KCNQ5: variants seen among roughly 807,000 people sequenced by gnomAD.
KCNQ5 encodes the protein potassium voltage-gated channel subfamily KQT member 5.
In KCNQ5, 30 loss-of-function variants were observed where a neutral mutation model predicts 98.2. The observed-to-expected ratio is 0.31, with a 90% CI of 0.23 to 0.41. The LOEUF (loss-of-function observed/expected upper bound fraction) is 0.41, where lower values mean the gene tolerates loss of function less well. Ranked by LOEUF, KCNQ5 falls within the 10% of genes least tolerant of loss-of-function variation. The probability of loss-of-function intolerance (pLI) is 1.00; values close to 1 mark genes in which losing one functional copy is unlikely to be tolerated. For synonymous variants in KCNQ5, 458 were observed against 449.4 expected (o/e 1.02, Z -0.24); for missense variants, 835 against 1,182.5 (o/e 0.71, Z 4.31).
intron 2 of KCNQ5, among the ~76,000 whole-genome samples, chr6:73,010,612 A>T (rs1044667507): frequency 6.6e-6 from 1 of 151,228 alleles, no homozygotes; most frequent in Non-Finnish European, 1.5e-5. Context: ...AGATGATGTG[A>T]TCTTATATGT....
At chr6:72,695,657 ATAT>A (rs1486301263) in intron 1 of KCNQ5, among the ~76,000 whole-genome samples, 8 of 152,152 alleles carry the variant, frequency 5.3e-5, no homozygotes, top group African/African-American at 9.6e-5. Flanking sequence ...TGGATTATAA[ATAT>A]TATGTATGAT....
At chr6:73,063,019 AT>A (rs1288070861) in intron 3 of KCNQ5, among the ~76,000 whole-genome samples, 1 of 152,186 alleles carries the variant, frequency 6.6e-6, no homozygotes, top group Admixed American at 6.5e-5. Flanking sequence ...CAATGTCAAA[AT>A]GTGCACATCT....
intron 1 of KCNQ5, among the ~76,000 whole-genome samples, chr6:72,943,822 C>T (rs1211655953): frequency 6.6e-6 from 1 of 152,206 alleles, no homozygotes; most frequent in East Asian, 1.9e-4. Flanking sequence ...TTAGCTCCTA[C>T]TTTGCACAAG....
Position 72,644,188 on chromosome 6 carries a change from A to G in KCNQ5, c.398+21601A>G, listed in dbSNP as rs1235682534. Among the ~76,000 whole-genome samples the G allele has an allele frequency of 2.6e-5, 4 of 152,318 alleles. No homozygotes were observed. In the East Asian group the frequency reaches 7.7e-4, roughly 29 times the overall value. ...TTGCTCCTAGTGGAAATACAGGGTT[A>G]GGTCCTATGAGCCTTTGGTCATAAC... On this transcript the variant is annotated intron_variant, in intron 1 of 13. Coordinates refer to ENST00000370398, the MANE Select transcript of KCNQ5 (RefSeq NM_019842.4).
chr6:72,660,229 TC>T (rs1190429874), intron 1 of KCNQ5, among the ~76,000 whole-genome samples: 3 of 152,290 alleles, frequency 2.0e-5, no homozygotes, highest in Admixed American at 2.0e-4. Context: ...CACCACAACC[TC>T]TTATTATTCC....
At chr6:73,045,998 T>C (rs1771941449) in intron 3 of KCNQ5, among the ~76,000 whole-genome samples, 1 of 152,174 alleles carries the variant, frequency 6.6e-6, no homozygotes, top group Admixed American at 6.5e-5. Context: ...TAAAATAAAA[T>C]TTTATTTTAT....
chr6:72,683,899 T>C (rs538739138), intron 1 of KCNQ5, among the ~76,000 whole-genome samples: 10 of 152,342 alleles, frequency 6.6e-5, no homozygotes, highest in African/African-American at 2.4e-4. Context: ...GTTTTTCTTT[T>C]ATGTTTTCAC....
chr6:72,919,058 A>G (rs1780281916), intron 1 of KCNQ5, among the ~76,000 whole-genome samples: 1 of 151,852 alleles, frequency 6.6e-6, no homozygotes, highest in African/African-American at 2.4e-5. Flanking sequence ...TTAGCACATG[A>G]CTTTGTGACT....
intron 1 of KCNQ5, among the ~76,000 whole-genome samples, chr6:72,679,836 G>A (rs1303154453): frequency 1.3e-5 from 2 of 152,098 alleles, no homozygotes; most frequent in South Asian, 4.1e-4. Context: ...TCAGGAGTTC[G>A]AGACCAGCCT....
intron 10 of KCNQ5, among the ~76,000 whole-genome samples, chr6:73,147,610 G>A (rs1296010586): frequency 6.6e-6 from 1 of 152,088 alleles, no homozygotes; most frequent in Admixed American, 6.5e-5. Flanking sequence ...CTGAGAGAGA[G>A]AGACATTTGT....
chr6:73,158,584 C>A (rs1027739417), intron 10 of KCNQ5, among the ~76,000 whole-genome samples: 16 of 152,118 alleles, frequency 1.1e-4, no homozygotes, highest in Non-Finnish European at 1.9e-4. Context: ...TTTTTTTCTT[C>A]ATTCTGTTTT....
At chr6:72,840,112 G>A (rs981976290) in intron 1 of KCNQ5, among the ~76,000 whole-genome samples, 1 of 152,082 alleles carries the variant, frequency 6.6e-6, no homozygotes, top group African/African-American at 2.4e-5. Context: ...AGGCTGAGTA[G>A]CATTCCATTG....
At chr6:72,783,605 A>AT (rs141172905) in intron 1 of KCNQ5, among the ~76,000 whole-genome samples, 1,698 of 152,238 alleles carry the variant, frequency 0.011, 26 homozygotes, top group African/African-American at 0.038. Context: ...TATCCTAGGT[A>AT]TTTTTTTATC....
At chr6:72,671,482 T>A (rs1767101489) in intron 1 of KCNQ5, among the ~76,000 whole-genome samples, 1 of 152,160 alleles carries the variant, frequency 6.6e-6, no homozygotes, top group Non-Finnish European at 1.5e-5. Flanking sequence ...CCTTTGTGGT[T>A]TTTACTTGAG....
chr6:72,630,485 A>T (rs1435001265), intron 1 of KCNQ5: 2 of 152,210 alleles, frequency 1.3e-5, no homozygotes, highest in African/African-American at 2.4e-5. Context: ...AATGTGCTAG[A>T]TGCTGGTGGT....
At chr6:73,047,133 A>G (rs757374849) in intron 3 of KCNQ5, among the ~76,000 whole-genome samples, 2 of 152,236 alleles carry the variant, frequency 1.3e-5, no homozygotes, top group Non-Finnish European at 2.9e-5. Context: ...TTAAAATTAA[A>G]TTTAATTGAA....
At chr6:72,891,619 G>A (rs1779060982) in intron 1 of KCNQ5, among the ~76,000 whole-genome samples, 1 of 152,128 alleles carries the variant, frequency 6.6e-6, no homozygotes, top group African/African-American at 2.4e-5. Context: ...TGTAATGAAT[G>A]CCTCAAAAAT....
chr6:72,728,693 T>TTGCCTTGG (rs959752469), intron 1 of KCNQ5, among the ~76,000 whole-genome samples: 3 of 152,196 alleles, frequency 2.0e-5, no homozygotes, highest in African/African-American at 7.2e-5. Context: ...GTATCAACAC[T>TTGCCTTGG]TGCCTTGGTG....
chr6:72,851,726 TA>T (rs1261242399), intron 1 of KCNQ5, among the ~76,000 whole-genome samples: 1 of 152,112 alleles, frequency 6.6e-6, no homozygotes, highest in Non-Finnish European at 1.5e-5. Context: ...GTAAACACTT[TA>T]GGGGCAAATT....
Sources: gnomAD v4.1 joint callset for allele counts (sites outside exome capture counted in the v4.1 genomes callset) on GRCh38, gnomAD v4.1.1 for gene constraint, MANE v1.5 for transcripts, NCBI Gene and HGNC (gene_info 2026-07-23, HGNC 2026-07-21) for gene names.